The following SEMA4D variants were observed in gnomAD, a reference collection of about 807,000 sequenced individuals.
SEMA4D encodes the protein semaphorin 4D.
SEMA4D carries 22 observed loss-of-function variants against 74.8 expected under a neutral mutation model. The ratio of observed to expected loss-of-function variants is 0.29; its 90% confidence interval spans 0.21 to 0.42. The LOEUF is 0.42. Among genes scored for constraint, SEMA4D ranks in the 10% least tolerant of loss-of-function variants. SEMA4D has a pLI of 1.00. For synonymous variants in SEMA4D, 445 were observed against 463.7 expected, an observed-to-expected ratio of 0.96 and a Z score of 0.52; for missense variants, 937 against 1,118.4, an observed-to-expected ratio of 0.84 and a Z score of 2.31.
intron 2 of SEMA4D, among the ~76,000 whole-genome samples, chr9:89,410,771 T>A (rs75955257): frequency 0.052 from 7,951 of 152,172 alleles, 509 homozygotes; most frequent in East Asian, 0.32. Flanking sequence ...AGACACATCA[T>A]CCTGAAAGGA....
intron 1 of SEMA4D, among the ~76,000 whole-genome samples, chr9:89,467,077 C>T (rs1378763009): frequency 2.0e-5 from 3 of 152,220 alleles, no homozygotes; most frequent in Non-Finnish European, 4.4e-5. Context: ...GGTTGTCCCC[C>T]TTGTTGTTCA....
chr9:89,371,512 G>C (rs2132454608), intron 16 of SEMA4D, among the ~76,000 whole-genome samples: 1 of 88,334 alleles, frequency 1.1e-5, no homozygotes, highest in Non-Finnish European at 2.2e-5. Context: ...TAGTGTGTGT[G>C]TGTCTGGGGT....
At chr9:89,362,882 G>T (rs1475044652) in intron 18 of SEMA4D, among the ~76,000 whole-genome samples, 1 of 152,212 alleles carries the variant, frequency 6.6e-6, no homozygotes, top group Non-Finnish European at 1.5e-5. Context: ...AGGAGCCGGG[G>T]CTGGACAACT....
chr9:89,444,311 C>T (rs902500826), intron 2 of SEMA4D, among the ~76,000 whole-genome samples: 1 of 152,160 alleles, frequency 6.6e-6, no homozygotes, highest in East Asian at 1.9e-4. Flanking sequence ...TAAGGAGAAA[C>T]ACAGGCAAAC....
At chr9:89,468,052 G>A (rs761346467) in intron 1 of SEMA4D, among the ~76,000 whole-genome samples, 8 of 152,150 alleles carry the variant, frequency 5.3e-5, no homozygotes, top group Non-Finnish European at 8.8e-5. Flanking sequence ...AGAAGACACC[G>A]AAAGACTAGG....
chr9:89,431,985 C>T (rs1227436461), intron 2 of SEMA4D, among the ~76,000 whole-genome samples: 1 of 152,198 alleles, frequency 6.6e-6, no homozygotes. Context: ...GTGTCCATAC[C>T]TCAGTGTACC....
chr9:89,426,980 T>C (rs1331519530), intron 2 of SEMA4D, among the ~76,000 whole-genome samples: 2 of 151,938 alleles, frequency 1.3e-5, no homozygotes, highest in South Asian at 2.1e-4. Context: ...CCCCAGCGAG[T>C]TCCCCCTTTG....
chr9:89,371,009 TGG>T (rs1284635912), intron 16 of SEMA4D, among the ~76,000 whole-genome samples: 4 of 73,806 alleles, frequency 5.4e-5, no homozygotes, highest in East Asian at 3.8e-4. Context: ...TGTCGGGGTG[TGG>T]GGTGTGTGGT....
At chr9:89,460,875 T>A (rs978825359) in intron 1 of SEMA4D, among the ~76,000 whole-genome samples, 21 of 152,076 alleles carry the variant, frequency 1.4e-4, no homozygotes, top group African/African-American at 5.1e-4. Context: ...CAGCTGAAAA[T>A]GACACCTAGC....
At chr9:89,389,341 G>C (rs559813651) in intron 9 of SEMA4D, among the ~76,000 whole-genome samples, 1 of 152,332 alleles carries the variant, frequency 6.6e-6, no homozygotes, top group East Asian at 1.9e-4. Flanking sequence ...CCAGCATTCA[G>C]TCCTGCAACC....
At chr9:89,398,827 C>T (rs1010641079) in intron 5 of SEMA4D, among the ~76,000 whole-genome samples, 32 of 152,148 alleles carry the variant, frequency 2.1e-4, no homozygotes, top group African/African-American at 7.7e-4. Context: ...GCACAGCAGG[C>T]CGAATAAATG....
chr9:89,376,802 G>C (rs959353180), downstream of SEMA4D: 9 of 1,534,872 alleles, frequency 5.9e-6, no homozygotes, highest in African/African-American at 1.2e-4. Flanking sequence ...CAGATGGACA[G>C]GGCACAGGGG....
chr9:89,413,788 C>G (rs1406008175), intron 2 of SEMA4D, among the ~76,000 whole-genome samples: 1 of 152,196 alleles, frequency 6.6e-6, no homozygotes, highest in Non-Finnish European at 1.5e-5. Context: ...ACATATGTAT[C>G]TGTGTATGCA....
intron 2 of SEMA4D, among the ~76,000 whole-genome samples, chr9:89,428,268 CGCCATG>C (rs543988413): frequency 3.6e-4 from 55 of 152,358 alleles, no homozygotes; most frequent in African/African-American, 1.1e-3. Context: ...AGGCGGCCCC[CGCCATG>C]GCCCATGCAG....
chr9:89,388,727 T>C lies in SEMA4D; in HGVS notation c.1016A>G (p.His339Arg), dbSNP rs1254660251. ...NLSTAEEVFS[H>R]GKYMQSTTVE... ...TGTGGTGCTCTGCATGTACTTCCCG[T>C]GGGAGAAGACCTCCTCGGCTGTGGA... Residue 339 changes from histidine (H) to arginine (R), a missense_variant, in exon 11 of 16, where the codon CAC (histidine) becomes CGC (arginine). By Grantham distance (29) the His-to-Arg change is conservative. Transcript: ENST00000422704. The C allele has an allele frequency of 3.7e-6, 6 of 1,610,954 alleles. No homozygotes were observed. The highest frequency in any genetic ancestry group is 5.1e-6 in the Non-Finnish European group (6 of 1,179,232).
intron 2 of SEMA4D, among the ~76,000 whole-genome samples, chr9:89,431,938 A>G (rs1296270730): frequency 6.6e-6 from 1 of 152,128 alleles, no homozygotes; most frequent in Non-Finnish European, 1.5e-5. Context: ...AGGCCCCAAT[A>G]CGAGCTCTGG....
intron 16 of SEMA4D, among the ~76,000 whole-genome samples, chr9:89,371,236 G>A (rs1834653098): frequency 7.4e-6 from 1 of 134,978 alleles, no homozygotes; most frequent in Non-Finnish European, 1.6e-5. Context: ...TGTGTCTGGG[G>A]TAGGGTGCGT....
At chr9:89,465,181 T>C (rs1356027001) in intron 1 of SEMA4D, among the ~76,000 whole-genome samples, 1 of 152,126 alleles carries the variant, frequency 6.6e-6, no homozygotes, top group East Asian at 1.9e-4. Context: ...TGTTCCTCCT[T>C]GCCCTCCATG....
At position 89,388,754 on chromosome 9, in the gene SEMA4D, A is replaced by G. The variant is rs1839132441; in HGVS notation, c.989T>C (p.Leu330Pro). 1.7e-5 allele frequency: 28 copies of G among 1,609,328 alleles called. No individual in the cohort carries two copies. The highest frequency in any genetic ancestry group is 2.2e-5 in the Non-Finnish European group (26 of 1,177,520). Residue 330 changes from leucine (L) to proline (P), a missense_variant, in exon 11 of 16, where the codon CTG (leucine) becomes CCG (proline). Transcript: ENST00000422704. ...GGAGAAGACCTCCTCGGCTGTGGAC[A>G]GGTTGTAGGCGCACACTGCCGACAG... ...VGLSAVCAYN[L>P]STAEEVFSHG...
Sources: allele counts gnomAD v4.1 joint callset (sites outside exome capture counted in the v4.1 genomes callset), GRCh38; gene constraint gnomAD v4.1.1; transcripts MANE v1.5; gene names NCBI Gene and HGNC (gene_info 2026-07-23, HGNC 2026-07-21).